SGCD: variants seen among roughly 807,000 people sequenced by gnomAD.
SGCD encodes delta-sarcoglycan.
In SGCD, 18 loss-of-function variants were observed where a neutral mutation model predicts 36.6. That is an observed-to-expected ratio of 0.49 (90% CI 0.34 to 0.73). The LOEUF is 0.73. Ranked by LOEUF, SGCD falls within the 30% of genes least tolerant of loss-of-function variation. The probability of loss-of-function intolerance (pLI) is 0.01; values close to 1 mark genes in which losing one functional copy is unlikely to be tolerated. For synonymous variants in SGCD, 133 were observed against 130.6 expected, an observed-to-expected ratio of 1.02 and a Z score of -0.12; for missense variants, 387 against 346.7, an observed-to-expected ratio of 1.12 and a Z score of -0.92.
intron 7 of SGCD, among the ~76,000 whole-genome samples, chr5:156,715,879 A>G (rs1180345637): frequency 6.6e-6 from 1 of 152,184 alleles, no homozygotes; most frequent in Non-Finnish European, 1.5e-5. Flanking sequence ...GTTCTTAGAA[A>G]GGAAGAGTGG....
intron 7 of SGCD, among the ~76,000 whole-genome samples, chr5:156,727,213 G>T (rs1256078885): frequency 5.3e-5 from 8 of 152,160 alleles, no homozygotes; most frequent in Non-Finnish European, 1.2e-4. Flanking sequence ...TCAGGGGTGA[G>T]GGAGATCCTG....
At chr5:156,450,984 T>C (rs1420608814) in intron 3 of SGCD, among the ~76,000 whole-genome samples, 1 of 152,168 alleles carries the variant, frequency 6.6e-6, no homozygotes, top group Non-Finnish European at 1.5e-5. Flanking sequence ...TTTCTGTTTA[T>C]CCAGGGATGG....
chr5:155,915,412 T>C (rs1384412014), intron 1 of SGCD, among the ~76,000 whole-genome samples: 1 of 152,194 alleles, frequency 6.6e-6, no homozygotes, highest in South Asian at 2.1e-4. Flanking sequence ...TATATAATGA[T>C]AAAACTGAAA....
At chr5:156,375,276 C>G (rs1373830778) in intron 3 of SGCD, among the ~76,000 whole-genome samples, 1 of 152,096 alleles carries the variant, frequency 6.6e-6, no homozygotes, top group East Asian at 1.9e-4. Context: ...GTAATGTTCT[C>G]TTACATAAGC....
rs1436816932 is a variant in SGCD, at chr5:155,935,165, A to G, written c.-282+64741A>G. On this transcript the variant is annotated intron_variant, in intron 1 of 9. Coordinates refer to the SGCD transcript ENST00000517913. ...TTGAACAAATTATTTTTCTGCTTAGATCAGCAAGAATTGGTTTCTGTTGCT... is the reference window on the plus strand; with the variant it reads ...TTGAACAAATTATTTTTCTGCTTAGGTCAGCAAGAATTGGTTTCTGTTGCT... Among the ~76,000 whole-genome samples the G allele has an allele frequency of 2.6e-5, 4 of 152,198 alleles. No individual in the cohort carries two copies. The East Asian group carries it at 5.8e-4, about 22-fold the overall frequency.
chr5:156,457,200 T>A (rs1214685455), intron 3 of SGCD, among the ~76,000 whole-genome samples: 1 of 152,222 alleles, frequency 6.6e-6, no homozygotes, highest in Non-Finnish European at 1.5e-5. Flanking sequence ...ACACCTTATT[T>A]TCTTTAAAAA....
intron 6 of SGCD, among the ~76,000 whole-genome samples, chr5:156,639,933 T>C (rs1357981948): frequency 2.0e-5 from 3 of 152,102 alleles, no homozygotes; most frequent in African/African-American, 7.2e-5. Flanking sequence ...CTCCTTTTAC[T>C]TTTACATTAC....
chr5:156,128,189 C>T (rs955615647), intron 3 of SGCD, among the ~76,000 whole-genome samples: 4 of 152,096 alleles, frequency 2.6e-5, no homozygotes, highest in African/African-American at 9.7e-5. Flanking sequence ...CAATGAGATA[C>T]TTCTACACGC....
intron 6 of SGCD, among the ~76,000 whole-genome samples, chr5:156,629,824 C>G (rs991721208): frequency 6.6e-6 from 1 of 151,346 alleles, no homozygotes; most frequent in Non-Finnish European, 1.5e-5. Context: ...TTTGCCAGTC[C>G]CTGGTCTAGG....
chr5:156,330,762 C>G (rs1168310800), intron 2 of SGCD, among the ~76,000 whole-genome samples: 3 of 151,728 alleles, frequency 2.0e-5, no homozygotes, highest in Admixed American at 1.3e-4. Flanking sequence ...GGAAGCACAG[C>G]AAGAAAGAAA....
chr5:156,764,821 C>T lies in SGCD; in HGVS notation c.*5431C>T, dbSNP rs1757559242. ...CAATAAACAGTCTCAAACCTTCCAA[C>T]AACAGTGCTCACTGCTGCTCCTCAA... On this transcript the variant is annotated 3_prime_UTR_variant, in exon 9 of 9. Coordinates refer to ENST00000337851, the MANE Select transcript of SGCD (RefSeq NM_000337.6). 6.6e-6 allele frequency: 1 copy of T among 152,236 alleles called. No homozygotes were observed. The highest frequency in any genetic ancestry group is 2.4e-5 in the African/African-American group (1 of 41,450). 9.4% of individuals were successfully genotyped at this position (152,236 alleles called of 1,614,324 possible).
intron 7 of SGCD, among the ~76,000 whole-genome samples, chr5:156,723,992 C>T (rs898756733): frequency 3.9e-5 from 6 of 152,138 alleles, no homozygotes; most frequent in Non-Finnish European, 8.8e-5. Flanking sequence ...AAATTATTCT[C>T]ATGTTCCAGA....
chr5:156,488,927 T>C (rs1383786642), intron 3 of SGCD, among the ~76,000 whole-genome samples: 1 of 152,072 alleles, frequency 6.6e-6, no homozygotes, highest in Non-Finnish European at 1.5e-5. Flanking sequence ...TGAAAACATA[T>C]AGACTGGTTG....
Position 156,767,164 on chromosome 5 carries a change from T to C in SGCD, c.*7774T>C, listed in dbSNP as rs1347713320. 1 of 152,174 alleles carries C rather than the reference T, an allele frequency of 6.6e-6. No homozygotes were observed. The allele number at this position is 152,174 out of a possible 1,614,324, so 9.4% of individuals were successfully genotyped here. Reference sequence around the variant, plus strand: ...TACCAGAGCCAGAAATCTAGCTCTCTGGAAGAGATGCAAGATTCTAGAAAA... The same window carrying C: ...TACCAGAGCCAGAAATCTAGCTCTCCGGAAGAGATGCAAGATTCTAGAAAA... On this transcript the variant is annotated 3_prime_UTR_variant, in exon 9 of 9. Coordinates refer to ENST00000337851, the MANE Select transcript of SGCD (RefSeq NM_000337.6).
At chr5:156,274,762 C>T (rs1039201442) in intron 3 of SGCD, among the ~76,000 whole-genome samples, 25 of 152,284 alleles carry the variant, frequency 1.6e-4, no homozygotes, top group African/African-American at 6.0e-4. Flanking sequence ...CTGCTTTGCT[C>T]AGCCATGCTC....
chr5:156,015,525 G>A (rs950641289), intron 1 of SGCD, among the ~76,000 whole-genome samples: 42 of 151,890 alleles, frequency 2.8e-4, no homozygotes, highest in Admixed American at 2.4e-3. Context: ...GTATTAGGTG[G>A]CTCATTATTA....
intron 1 of SGCD, among the ~76,000 whole-genome samples, chr5:156,074,061 G>A (rs916881210): frequency 6.6e-6 from 1 of 152,210 alleles, no homozygotes; most frequent in African/African-American, 2.4e-5. Flanking sequence ...GAAGAGAAAT[G>A]GAGGGATAAT....
chr5:156,525,538 GT>G (rs894953648), intron 4 of SGCD, among the ~76,000 whole-genome samples: 9 of 150,124 alleles, frequency 6.0e-5, no homozygotes, highest in Non-Finnish European at 8.9e-5. Flanking sequence ...TTTTCATTTT[GT>G]TGATTTTTTT....
rs189810018 is a variant in SGCD, at chr5:155,948,303, T to C, written c.-282+77879T>C. 2.0e-3 allele frequency among the ~76,000 whole-genome samples: 311 copies of C among 152,174 alleles called. 4 individuals carry two copies. Among genetic ancestry groups the C allele is most frequent in the African/African-American group, 7.1e-3 (295 of 41,516 alleles). On this transcript the variant is annotated intron_variant, in intron 1 of 9. Transcript: ENST00000517913. ...ATACTGCTACTACTAATAATAATAA[T>C]AATAAATAAAGTTCTTAGTGTAGTG...
Sources: gnomAD v4.1 joint callset for allele counts (sites outside exome capture counted in the v4.1 genomes callset) on GRCh38, gnomAD v4.1.1 for gene constraint, MANE v1.5 for transcripts, NCBI Gene and HGNC (gene_info 2026-07-23, HGNC 2026-07-21) for gene names.